Variants in TNIK observed in about 807,000 individuals in gnomAD.
The protein encoded by TNIK is TRAF2 and NCK-interacting protein kinase.
In TNIK, 49 loss-of-function variants were observed where a neutral mutation model predicts 191.3. That is an observed-to-expected ratio of 0.26 (90% CI 0.20 to 0.32). The LOEUF (loss-of-function observed/expected upper bound fraction) is 0.32. Among genes scored for constraint, TNIK ranks in the 10% least tolerant of loss-of-function variants. TNIK has a pLI of 1.00. For synonymous variants in TNIK, 594 were observed against 600.9 expected, an observed-to-expected ratio of 0.99 and a Z score of 0.17; for missense variants, 1,155 against 1,702.3, an observed-to-expected ratio of 0.68 and a Z score of 5.66.
intron 6 of TNIK, 84 bp from the exon 7 acceptor site, chr3:171,188,916 G>T: frequency 6.7e-7 from 1 of 1,503,252 alleles, no homozygotes; most frequent in Non-Finnish European, 9.1e-7. Context: ...TTTTATTGTG[G>T]TAAAACATAA....
intron 1 of TNIK, among the ~76,000 whole-genome samples, chr3:171,457,755 A>G (rs1212954114): frequency 6.6e-6 from 1 of 152,204 alleles, no homozygotes; most frequent in East Asian, 1.9e-4. Flanking sequence ...CCTGGTCCCC[A>G]AGCTAGCTGT....
intron 1 of TNIK, among the ~76,000 whole-genome samples, chr3:171,452,849 T>C (rs955144269): frequency 1.3e-5 from 2 of 151,952 alleles, no homozygotes; most frequent in Admixed American, 6.6e-5. Flanking sequence ...AACACTTTCC[T>C]TGGCAGAAAA....
intron 1 of TNIK, among the ~76,000 whole-genome samples, chr3:171,384,562 G>A (rs1718476051): frequency 6.6e-6 from 1 of 152,116 alleles, no homozygotes; most frequent in South Asian, 2.1e-4. Context: ...TGAGAATGAG[G>A]GGAAACATAG....
chr3:171,145,755 CA>C (rs1731476077), intron 12 of TNIK, among the ~76,000 whole-genome samples: 1 of 149,766 alleles, frequency 6.7e-6, no homozygotes, highest in South Asian at 2.1e-4. Flanking sequence ...ATATTCCTCA[CA>C]AGGGCTGTGG....
chr3:171,128,887 C>CAAAAAAA lies in TNIK; in HGVS notation c.1609-16_1609-10dup, dbSNP rs59293515. The stretch of plus-strand genomic sequence containing the variant: ...CTTGACCGTTCTTCTACCTACAACC[C>CAAAAAAA]AAAAAAAAAAAAAAAAAAAAGACAG... On this transcript the variant is annotated splice_polypyrimidine_tract_variant and intron_variant, in intron 15 of 32. Transcript: ENST00000436636. 4.6e-3 allele frequency: 5,712 copies of CAAAAAAA among 1,237,856 alleles called. 40 individuals carry two copies. Among genetic ancestry groups the CAAAAAAA allele is most frequent in the South Asian group, 0.011 (513 of 46,078 alleles). 76.7% of individuals were successfully genotyped at this position (1,237,856 alleles called of 1,614,324 possible). A position where few individuals can be genotyped will look rare whatever the true frequency, so the allele number is the denominator to read the frequency against.
intron 22 of TNIK, among the ~76,000 whole-genome samples, chr3:171,100,728 G>GAAC (rs1254338568): frequency 9.3e-6 from 1 of 108,090 alleles, no homozygotes; most frequent in Non-Finnish European, 1.9e-5. Flanking sequence ...AAAAAAAAAT[G>GAAC]AACTTTCTCC....
chr3:171,196,362 A>G (rs1405956238), intron 4 of TNIK, among the ~76,000 whole-genome samples: 1 of 152,200 alleles, frequency 6.6e-6, no homozygotes, highest in Non-Finnish European at 1.5e-5. Flanking sequence ...ATAAAAAAGT[A>G]AATAGAATTT....
intron 2 of TNIK, among the ~76,000 whole-genome samples, chr3:171,349,987 G>A (rs1400564630): frequency 6.6e-6 from 1 of 152,090 alleles, no homozygotes; most frequent in Non-Finnish European, 1.5e-5. Context: ...GCTAGAAGAT[G>A]GGCTACCCAA....
intron 28 of TNIK, among the ~76,000 whole-genome samples, chr3:171,077,080 C>T (rs544606065): frequency 6.9e-6 from 1 of 145,084 alleles, no homozygotes; most frequent in Admixed American, 6.9e-5. Flanking sequence ...TTCCCCCCCC[C>T]CTTTTTTTTT....
rs1432367897 is a variant in TNIK at position 171,366,729 on chromosome 3, A to G, written c.123+2891T>C. ...TAAAATCAAAGGCTTAGCATTTGAT[A>G]TGGTTTGGCTGTGTCCCCAACCAAA... On this transcript the variant is annotated intron_variant, in intron 2 of 32. Transcript: ENST00000436636. This position sits in a 1 kb window ranked among gnomAD's most constrained non-coding sequence, Gnocchi z 4.1. Among the ~76,000 whole-genome samples, 1 of 152,184 alleles carries G rather than the reference A, an allele frequency of 6.6e-6. No homozygotes were observed. Among genetic ancestry groups the G allele is most frequent in the Non-Finnish European group, 1.5e-5 (1 of 68,024 alleles).
At chr3:171,175,128 C>A in intron 9 of TNIK, 124 bp downstream of exon 9, 1 of 925,062 alleles carries the variant, frequency 1.1e-6, no homozygotes, top group South Asian at 1.5e-5. Context: ...GAAAGTAATT[C>A]ACCAAGTCAT....
chr3:171,118,713 T>C (rs1434539940), intron 18 of TNIK, among the ~76,000 whole-genome samples: 2 of 152,096 alleles, frequency 1.3e-5, no homozygotes, highest in Admixed American at 6.5e-5. Flanking sequence ...TAATAAATGG[T>C]GCTGGGAAAA....
chr3:171,258,370 T>C (rs1205924113), intron 2 of TNIK, among the ~76,000 whole-genome samples: 1 of 152,190 alleles, frequency 6.6e-6, no homozygotes, highest in Non-Finnish European at 1.5e-5. Flanking sequence ...ATTTCCCTAC[T>C]GACCTGAATC....
intron 2 of TNIK, among the ~76,000 whole-genome samples, chr3:171,326,347 G>A (rs1755745493): frequency 6.6e-6 from 1 of 152,022 alleles, no homozygotes; most frequent in East Asian, 1.9e-4. Context: ...TCGTTACAGA[G>A]TATTATAGAC....
At chr3:171,429,738 T>C (rs1012028949) in intron 1 of TNIK, among the ~76,000 whole-genome samples, 1 of 152,202 alleles carries the variant, frequency 6.6e-6, no homozygotes, top group Non-Finnish European at 1.5e-5. Flanking sequence ...ATTCCCTCTC[T>C]GGTTGTTCTC....
At chr3:171,449,314 T>C (rs1392684381) in intron 1 of TNIK, among the ~76,000 whole-genome samples, 1 of 152,214 alleles carries the variant, frequency 6.6e-6, no homozygotes, top group East Asian at 1.9e-4. Context: ...TCTAGATCTT[T>C]GAGGAATCGC....
chr3:171,432,718 G>C (rs1725525094), intron 1 of TNIK, among the ~76,000 whole-genome samples: 1 of 152,124 alleles, frequency 6.6e-6, no homozygotes, highest in African/African-American at 2.4e-5. Context: ...AACATTTTAA[G>C]CAATGTGAAG....
chr3:171,161,286 C>T lies in TNIK; in HGVS notation c.1000G>A (p.Asp334Asn). ...SGSEEEEEEN[D>N]SGEPSSILNL... Reference sequence around the variant, plus strand: ...CTCTCATACCTGGGCTCTCCTGAGTCATTCTCCTCCTCTTCTTCCTCACTT... The same window carrying T: ...CTCTCATACCTGGGCTCTCCTGAGTTATTCTCCTCCTCTTCTTCCTCACTT... The change falls in exon 11 of 33, where the codon GAC becomes AAC. Residue 334 changes from aspartate (D) to asparagine (N), a missense_variant. Asp to Asn is a conservative substitution (Grantham distance 23). Coordinates refer to ENST00000436636, the MANE Select transcript of TNIK (RefSeq NM_015028.4). The T allele has an allele frequency of 6.2e-7, 1 of 1,613,358 alleles. No individual in the cohort carries two copies. The highest frequency in any genetic ancestry group is 8.5e-7 in the Non-Finnish European group (1 of 1,179,450).
chr3:171,338,100 G>A (rs61300420), intron 2 of TNIK, among the ~76,000 whole-genome samples: 3,254 of 152,198 alleles, frequency 0.021, 129 homozygotes, highest in African/African-American at 0.075. Context: ...AATTATAATG[G>A]TAATGTGGAT....
Sources: allele counts gnomAD v4.1 joint callset (sites outside exome capture counted in the v4.1 genomes callset), GRCh38; gene constraint gnomAD v4.1.1; non-coding constraint Gnocchi (gnomAD v3.1); transcripts MANE v1.5; gene names NCBI Gene and HGNC (gene_info 2026-07-23, HGNC 2026-07-21).